The following ZNF382 variants were observed in gnomAD, a reference collection of about 807,000 sequenced individuals.
ZNF382 encodes the protein zinc finger protein 382, also known as KRAB/zinc finger suppressor protein 1.
Under a neutral mutation model 38.8 loss-of-function variants are expected in ZNF382, and 20 were observed. The observed-to-expected ratio is 0.51, with a 90% CI of 0.36 to 0.75. ZNF382 has a LOEUF of 0.75. Among genes scored for constraint, ZNF382 ranks in the 30% least tolerant of loss-of-function variants. ZNF382 has a pLI of 0.00. For missense variants in ZNF382, 546 were observed against 654.1 expected (o/e 0.83, Z 1.80); for synonymous variants, 202 against 223.1 (o/e 0.91, Z 0.84).
intron 1 of ZNF382, chr19:36,605,607 T>A (rs1417229441): frequency 6.6e-6 from 1 of 152,248 alleles, no homozygotes; most frequent in Non-Finnish European, 1.5e-5. Flanking sequence ...TTTTGCCCGT[T>A]CTGATCCCGC....
In ZNF382 at chr19:36,629,974, T is replaced by A. The variant is rs1352635434; in HGVS notation, c.*2424T>A. 1 of 152,078 alleles carries A rather than the reference T, an allele frequency of 6.6e-6. No homozygotes were observed. Among genetic ancestry groups the A allele is most frequent in the East Asian group, 1.9e-4 (1 of 5,190 alleles). The allele number at this position is 152,078 out of a possible 1,614,324, so 9.4% of individuals were successfully genotyped here. A position where few individuals can be genotyped will look rare whatever the true frequency, so the allele number is the denominator to read the frequency against. On this transcript the variant is annotated 3_prime_UTR_variant, in exon 5 of 5. Coordinates refer to ENST00000292928, the MANE Select transcript of ZNF382 (RefSeq NM_032825.5). ...GTAAATATATGGATTCTAGAGTCAA[T>A]GAGCAAAGGTATTGTTGTTACTAAT...
intron 4 of ZNF382, among the ~76,000 whole-genome samples, chr19:36,619,522 CT>C (rs2037151920): frequency 1.3e-5 from 2 of 152,168 alleles, no homozygotes. Flanking sequence ...AGCTGGGTGT[CT>C]CTGCCTGGTT....
At position 36,631,851 on chromosome 19, in the gene ZNF382, C is replaced by T. The variant is rs1376361987; in HGVS notation, c.*4301C>T. 1.3e-5 allele frequency: 2 copies of T among 152,134 alleles called. No homozygotes were observed. Among genetic ancestry groups the T allele is most frequent in the Non-Finnish European group, 2.9e-5 (2 of 68,018 alleles). 9.4% of individuals were successfully genotyped at this position (152,134 alleles called of 1,614,324 possible). A position where few individuals can be genotyped will look rare whatever the true frequency, so the allele number is the denominator to read the frequency against. ...AGAATCTAAGTCAACTTGACCTAAACATATACGACAAAATAGGAGTGATTT... is the reference window on the plus strand; with the variant it reads ...AGAATCTAAGTCAACTTGACCTAAATATATACGACAAAATAGGAGTGATTT... On this transcript the variant is annotated 3_prime_UTR_variant, in exon 5 of 5. Transcript: ENST00000292928.
chr19:36,613,543 C>T (rs1210258416), intron 4 of ZNF382, among the ~76,000 whole-genome samples: 3 of 151,602 alleles, frequency 2.0e-5, no homozygotes, highest in Admixed American at 6.6e-5. Context: ...CAGGTTCAAG[C>T]GATTCTCCTG....
Position 36,631,914 on chromosome 19 carries a change from T to G in ZNF382, c.*4364T>G, listed in dbSNP as rs1006467854. 8 of 152,182 alleles carry G rather than the reference T, an allele frequency of 5.3e-5. No individual in the cohort carries two copies. Among genetic ancestry groups the G allele is most frequent in the Admixed American group, 5.2e-4 (8 of 15,270 alleles). The allele number at this position is 152,182 out of a possible 1,614,324, so 9.4% of individuals were successfully genotyped here. A position where few individuals can be genotyped will look rare whatever the true frequency, so the allele number is the denominator to read the frequency against. On this transcript the variant is annotated 3_prime_UTR_variant, in exon 5 of 5. Coordinates refer to ENST00000292928, the MANE Select transcript of ZNF382 (RefSeq NM_032825.5). ...TTTTGTAGACCTAACTGCAAGGTCA[T>G]AAGGCATATGCAAAATGAGTTCATC...
At chr19:36,618,628 T>C (rs141903059) in intron 4 of ZNF382, among the ~76,000 whole-genome samples, 1 of 152,204 alleles carries the variant, frequency 6.6e-6, no homozygotes, top group Non-Finnish European at 1.5e-5. Flanking sequence ...CTTTCAAAGA[T>C]TGCATCCACT....
At chr19:36,626,079 A>G (rs761287395) in intron 4 of ZNF382, 51 bp from the exon 5 acceptor site, 41 of 1,402,522 alleles carry the variant, frequency 2.9e-5, no homozygotes, top group South Asian at 2.6e-4. Flanking sequence ...TGTATACCCA[A>G]TCCATAGCAT....
intron 4 of ZNF382, among the ~76,000 whole-genome samples, chr19:36,613,422 C>CTT (rs11353427): frequency 2.4e-4 from 29 of 121,244 alleles, no homozygotes; most frequent in Non-Finnish European, 3.3e-4. Context: ...GTATATTTTG[C>CTT]TTTTTTTTTT....
Position 36,626,858 on chromosome 19 carries a change from G to GA in ZNF382, c.966dup (p.Pro323ThrfsTer21). ...TGAACATCAGCGAATTCACACAGGTGAAAAACCTTATGTTTGCAATCAATG... is the reference window on the plus strand; with the variant it reads ...TGAACATCAGCGAATTCACACAGGTGAAAAAACCTTATGTTTGCAATCAATG... On this transcript the variant is annotated frameshift_variant, in exon 5 of 5. Coordinates refer to ENST00000292928, the MANE Select transcript of ZNF382 (RefSeq NM_032825.5). LOFTEE classifies it high-confidence loss of function. 1 of 1,614,210 alleles carries GA rather than the reference G, an allele frequency of 6.2e-7. No individual in the cohort carries two copies. Among genetic ancestry groups the GA allele is most frequent in the Non-Finnish European group, 8.5e-7 (1 of 1,180,036 alleles).
chr19:36,607,185 C>T (rs1009172982), intron 1 of ZNF382, among the ~76,000 whole-genome samples: 1 of 152,088 alleles, frequency 6.6e-6, no homozygotes, highest in Non-Finnish European at 1.5e-5. Flanking sequence ...TATTCTCATC[C>T]ACTACTATCA....
At chr19:36,623,793 C>CAAA (rs11454382) in intron 4 of ZNF382, among the ~76,000 whole-genome samples, 5 of 132,032 alleles carry the variant, frequency 3.8e-5, no homozygotes, top group Admixed American at 1.5e-4. Context: ...GACTCTGTCT[C>CAAA]AAAAAAAAAA....
At position 36,627,724 on chromosome 19, in the gene ZNF382, A is replaced by T. The variant is rs2037227312; in HGVS notation, c.*174A>T. 2.0e-6 allele frequency: 1 copy of T among 506,514 alleles called. No homozygotes were observed. The highest frequency in any genetic ancestry group is 1.9e-5 in the African/African-American group (1 of 52,030). 31.4% of individuals were successfully genotyped at this position (506,514 alleles called of 1,614,324 possible). On this transcript the variant is annotated 3_prime_UTR_variant, in exon 5 of 5. Coordinates refer to ENST00000292928, the MANE Select transcript of ZNF382 (RefSeq NM_032825.5). The stretch of plus-strand genomic sequence containing the variant: ...CACACACACACAAATATTATTAGAC[A>T]AATTAGATGACAAAAATCATTAAGA...
chr19:36,610,159 C>G, intron 3 of ZNF382, 106 bp downstream of exon 3: 2 of 1,423,774 alleles, frequency 1.4e-6, no homozygotes, highest in Non-Finnish European at 1.9e-6. Flanking sequence ...ATTTTTTTGG[C>G]AGAAAATATT....
Position 36,632,131 on chromosome 19 carries a change from A to C in ZNF382, c.*4581A>C, listed in dbSNP as rs985657356. On this transcript the variant is annotated 3_prime_UTR_variant, in exon 5 of 5. Coordinates refer to ENST00000292928, the MANE Select transcript of ZNF382 (RefSeq NM_032825.5). ...TCTGAACTGAAGCACTAAGACCTGTATCAAACTTGATTTGGGGAGAGCTGA... is the reference window on the plus strand; with the variant it reads ...TCTGAACTGAAGCACTAAGACCTGTCTCAAACTTGATTTGGGGAGAGCTGA... The C allele has an allele frequency of 6.6e-6, 1 of 152,222 alleles. No homozygotes were observed. Among genetic ancestry groups the C allele is most frequent in the Non-Finnish European group, 1.5e-5 (1 of 68,068 alleles). The allele number at this position is 152,222 out of a possible 1,614,324, so 9.4% of individuals were successfully genotyped here. A position where few individuals can be genotyped will look rare whatever the true frequency, so the allele number is the denominator to read the frequency against.
intron 4 of ZNF382, among the ~76,000 whole-genome samples, chr19:36,612,107 GAC>G (rs1341373857): frequency 6.6e-6 from 1 of 152,182 alleles, no homozygotes; most frequent in African/African-American, 2.4e-5. Flanking sequence ...CAAGATAAAA[GAC>G]AGTTTCATTA....
chr19:36,615,615 A>G (rs2037120228), intron 4 of ZNF382, among the ~76,000 whole-genome samples: 1 of 152,180 alleles, frequency 6.6e-6, no homozygotes, highest in Non-Finnish European at 1.5e-5. Context: ...CTCTCAAGTC[A>G]TTTCCTTGTT....
At position 36,626,713 on chromosome 19, in the gene ZNF382, A is replaced by G. The variant is rs1454876086; in HGVS notation, c.816A>G (p.Lys272=). ...LMEKKPSAYN[K]YGKFLCRKPV... ...AAAAGAAGCCCTCTGCCTACAACAA[A>G]TATGGGAAATTCCTCTGCAGAAAGC... The change falls in exon 5 of 5, where the codon AAA becomes AAG. Residue 272 remains lysine, a synonymous_variant. Coordinates refer to ENST00000292928, the MANE Select transcript of ZNF382 (RefSeq NM_032825.5). The G allele has an allele frequency of 1.2e-6, 2 of 1,614,078 alleles. No homozygotes were observed. The highest frequency in any genetic ancestry group is 1.7e-6 in the Non-Finnish European group (2 of 1,180,034).
intron 4 of ZNF382, among the ~76,000 whole-genome samples, chr19:36,617,787 A>G (rs1354768188): frequency 1.3e-5 from 2 of 152,150 alleles, no homozygotes; most frequent in Non-Finnish European, 2.9e-5. Context: ...GTGATCAGAT[A>G]TCACCTGGAG....
At chr19:36,611,568 T>C (rs1252298272) in intron 4 of ZNF382, among the ~76,000 whole-genome samples, 1 of 152,200 alleles carries the variant, frequency 6.6e-6, no homozygotes, top group Non-Finnish European at 1.5e-5. Context: ...TTGGGTTCCT[T>C]CCATCTTTTG....
Sources: allele counts gnomAD v4.1 joint callset (sites outside exome capture counted in the v4.1 genomes callset), GRCh38; gene constraint gnomAD v4.1.1; transcripts MANE v1.5; gene names NCBI Gene and HGNC (gene_info 2026-07-23, HGNC 2026-07-21).